The following IGSF22 variants were observed in gnomAD, a reference collection of about 807,000 sequenced individuals.
IGSF22 encodes immunoglobulin superfamily, member 22.
In IGSF22, 119 loss-of-function variants were observed where a neutral mutation model predicts 127.0. That is an observed-to-expected ratio of 0.94 (90% CI 0.81 to 1.09). IGSF22 has a LOEUF of 1.09. IGSF22 is among the 50% of genes least tolerant of loss of function. The pLI is 0.00. For synonymous variants in IGSF22, 568 were observed against 664.7 expected (o/e 0.85, Z 2.24); for missense variants, 1,518 against 1,716.6 (o/e 0.88, Z 2.04).
chr11:18,713,349 C>T (rs530499428), intron 14 of IGSF22, among the ~76,000 whole-genome samples: 1 of 152,038 alleles, frequency 6.6e-6, no homozygotes, highest in Non-Finnish European at 1.5e-5. Flanking sequence ...GACCGGGTTT[C>T]GCCATGTTGG....
intron 3 of IGSF22, 67 bp from the exon 4 acceptor site, chr11:18,721,738 C>T (rs1458223370): frequency 6.2e-7 from 1 of 1,603,346 alleles, no homozygotes; most frequent in Non-Finnish European, 8.5e-7. Context: ...CACCCTCTGC[C>T]GGCTCTCTGC....
At chr11:18,719,959 T>G in intron 6 of IGSF22, 66 bp from the exon 7 acceptor site, 1 of 1,610,078 alleles carries the variant, frequency 6.2e-7, no homozygotes, top group South Asian at 1.1e-5. Flanking sequence ...AACCCCTCCC[T>G]ACTCCATGGA....
Position 18,710,834 on chromosome 11 carries a change from G to A in IGSF22, c.2399-6C>T, listed in dbSNP as rs369116481. 13 of 1,610,450 alleles carry A rather than the reference G, an allele frequency of 8.1e-6. No homozygotes were observed. Among genetic ancestry groups the A allele is most frequent in the Non-Finnish European group, 1.0e-5 (12 of 1,176,844 alleles). ...GGAGGCAAAACCAGGAGGCTCTGTG[G>A]GGGAAAGAGAGAGTGCAAAGGTTAG... On this transcript the variant is annotated splice_polypyrimidine_tract_variant and splice_region_variant and intron_variant, in intron 15 of 22. Transcript: ENST00000513874.
In IGSF22 at chr11:18,707,884, C is replaced by A. The variant is rs148259264; in HGVS notation, c.3200G>T (p.Arg1067Leu). Residue 1067 changes from arginine (R) to leucine (L), a missense_variant, in exon 20 of 23, where the codon CGC becomes CTC. This residue lies in a region of IGSF22 where 1,456 missense variants were observed against 1,644.9 expected (regional missense o/e 0.89). Transcript: ENST00000513874. ...GATTCGGTACACCCCTGAGTCAGAG[C>A]GCTTGGTGCTATTAATGAGGAACTG... is the stretch of plus-strand genomic sequence containing the variant. ...HSQFLINSTK[R>L]SDSGVYRILL... The A allele has an allele frequency of 1.2e-6, 2 of 1,614,156 alleles. No individual in the cohort carries two copies. Among genetic ancestry groups the A allele is most frequent in the East Asian group, 2.2e-5 (1 of 44,888 alleles).
chr11:18,710,655 C>G lies in IGSF22; in HGVS notation c.2572G>C (p.Gly858Arg). 1.2e-6 allele frequency: 2 copies of G among 1,610,172 alleles called. No homozygotes were observed. Among genetic ancestry groups the G allele is most frequent in the East Asian group, 4.5e-5 (2 of 44,750 alleles). Residue 858 changes from glycine to arginine, a missense_variant and splice_region_variant, in exon 16 of 23, where the codon GGC (glycine) becomes CGC (arginine). Physicochemically the swap from Gly to Arg is moderately radical, Grantham distance 125 (BLOSUM62 -2). Coordinates refer to ENST00000513874, the MANE Select transcript of IGSF22 (RefSeq NM_173588.4). ...WVPVNKDPIQ[G>R]TKCTVDGLLE... ...TGGGCCTCTGTTCCAAGGACCTCAC[C>G]CTGGATGGGGTCCTTGTTGACTGGC... is the stretch of plus-strand genomic sequence containing the variant.
intron 17 of IGSF22, 115 bp downstream of exon 17, chr11:18,710,212 C>T (rs1848325021): frequency 1.5e-6 from 2 of 1,363,472 alleles, no homozygotes; most frequent in Non-Finnish European, 2.0e-6. Context: ...CTGGCAGTTT[C>T]CAGAGTGTAG....
chr11:18,710,479 G>T (rs375379479), intron 16 of IGSF22, 24 bp from the exon 17 acceptor site: 28 of 1,613,112 alleles, frequency 1.7e-5, no homozygotes, highest in Non-Finnish European at 2.2e-5. Flanking sequence ...ATGAGGGGTC[G>T]TGAGGCCAGA....
rs1848303545 is a variant in IGSF22, at chr11:18,709,203, C to T, written c.2998+184G>A. ...GACACACAGTAGATGCTATTTGGCA[C>T]ACAATGATTGATTTAGTAGGGGTGC... On this transcript the variant is annotated intron_variant, in intron 18 of 22. Transcript: ENST00000513874. This position sits in a 1 kb window ranked among gnomAD's most constrained non-coding sequence, Gnocchi z 4.8. Among the ~76,000 whole-genome samples the T allele has an allele frequency of 1.4e-5, 1 of 72,464 alleles. No homozygotes were observed. Among genetic ancestry groups the T allele is most frequent in the South Asian group, 3.3e-4 (1 of 3,000 alleles). 47.5% of individuals were successfully genotyped at this position (72,464 alleles called of 152,430 possible). A position where few individuals can be genotyped will look rare whatever the true frequency, so the allele number is the denominator to read the frequency against.
intron 22 of IGSF22, 182 bp downstream of exon 22, chr11:18,705,635 A>G (rs1487147245): frequency 4.9e-6 from 3 of 614,484 alleles, no homozygotes; most frequent in Admixed American, 3.0e-5. Context: ...GGCCAGGCAT[A>G]TAACAAATGA....
At position 18,704,550 on chromosome 11, in the gene IGSF22, A is replaced by C; in HGVS notation, c.3911-12T>G. The C allele has an allele frequency of 6.5e-7, 1 of 1,529,246 alleles. No homozygotes were observed. The highest frequency in any genetic ancestry group is 8.9e-7 in the Non-Finnish European group (1 of 1,128,346). The allele number at this position is 1,529,246 out of a possible 1,614,324, so 94.7% of individuals were successfully genotyped here. A position where few individuals can be genotyped will look rare whatever the true frequency, so the allele number is the denominator to read the frequency against. ...CTTATCATCTTTGTCTGAAAGAGCA[A>C]AGGAAGTATTCGTTATATTAATGAT... On this transcript the variant is annotated splice_polypyrimidine_tract_variant and intron_variant, in intron 22 of 22. Coordinates refer to ENST00000513874, the MANE Select transcript of IGSF22 (RefSeq NM_173588.4).
Position 18,721,894 on chromosome 11 carries a change from A to G in IGSF22, c.241+16T>C. 6.2e-7 allele frequency: 1 copy of G among 1,611,862 alleles called. No homozygotes were observed. The highest frequency in any genetic ancestry group is 1.1e-5 in the South Asian group (1 of 91,078). On this transcript the variant is annotated intron_variant, in intron 3 of 22. Transcript: ENST00000513874. Reference sequence around the variant, plus strand: ...GCGAAGCACTGGAGCCCGGTGAGCCACAGGCAGCAACACACCCTCGGGCGC... The same window carrying G: ...GCGAAGCACTGGAGCCCGGTGAGCCGCAGGCAGCAACACACCCTCGGGCGC...
chr11:18,708,618 A>G (rs2134158433), intron 18 of IGSF22, among the ~76,000 whole-genome samples: 1 of 152,276 alleles, frequency 6.6e-6, no homozygotes, highest in Non-Finnish European at 1.5e-5. Flanking sequence ...ACCAACCCCC[A>G]TCTTGCCTTT....
chr11:18,720,813 CGT>C (rs1848557771), intron 4 of IGSF22, among the ~76,000 whole-genome samples: 1 of 151,992 alleles, frequency 6.6e-6, no homozygotes, highest in African/African-American at 2.4e-5. Context: ...TGGGGCAGCT[CGT>C]GTGTGCTGTG....
intron 9 of IGSF22, among the ~76,000 whole-genome samples, chr11:18,717,262 C>T (rs758942485): frequency 8.5e-5 from 13 of 152,216 alleles, no homozygotes; most frequent in Non-Finnish European, 1.6e-4. Context: ...CCTAGCCATA[C>T]TAATTCATCC....
At chr11:18,724,036 C>G in intron 2 of IGSF22, 92 bp downstream of exon 2, 1 of 940,780 alleles carries the variant, frequency 1.1e-6, no homozygotes, top group Non-Finnish European at 1.7e-6. Flanking sequence ...CAGAGGGGCC[C>G]ATTAGTGGCA....
At chr11:18,719,437 G>C (rs1848526918) in intron 7 of IGSF22, among the ~76,000 whole-genome samples, 1 of 152,174 alleles carries the variant, frequency 6.6e-6, no homozygotes, top group Non-Finnish European at 1.5e-5. Flanking sequence ...AGAGTGCTGG[G>C]ATTACAGGCG....
In IGSF22 at chr11:18,720,253, G is replaced by C. The variant is rs1848546651; in HGVS notation, c.411C>G (p.Asn137Lys). The change falls in exon 5 of 23, where the codon AAC becomes AAG. Residue 137 changes from asparagine (N) to lysine (K), a missense_variant. This residue lies in a region of IGSF22 where 1,456 missense variants were observed against 1,644.9 expected (regional missense o/e 0.89). Transcript: ENST00000513874. ...LEPLTSDDSD[N>K]YKCIASNDHA... ...GGTCATTGCTTGCAATGCACTTATA[G>C]TTGTCAGAGTCATCCGAAGTCAGTG... 6.2e-7 allele frequency: 1 copy of C among 1,614,160 alleles called. No homozygotes were observed. Among genetic ancestry groups the C allele is most frequent in the Non-Finnish European group, 8.5e-7 (1 of 1,180,022 alleles).
Position 18,714,099 on chromosome 11 carries a change from G to A in IGSF22, c.1848C>T (p.Ala616=), listed in dbSNP as rs1268682814. Residue 616 remains alanine (A), a synonymous_variant, in exon 14 of 23, where the codon GCC becomes GCT. Transcript: ENST00000513874. ...PSVLEALAAH[A]ITVKVGHTAH... ...CCGTGTGGCCTACCTTCACAGTGAT[G>A]GCGTGCGCAGCCAGTGCCTCCAGTA... 6.2e-7 allele frequency: 1 copy of A among 1,614,138 alleles called. No individual in the cohort carries two copies. The highest frequency in any genetic ancestry group is 8.5e-7 in the Non-Finnish European group (1 of 1,180,050).
chr11:18,721,772 G>T, intron 3 of IGSF22, 101 bp from the exon 4 acceptor site: 1 of 1,589,816 alleles, frequency 6.3e-7, no homozygotes, highest in Non-Finnish European at 8.6e-7. Flanking sequence ...CCTGGGCCTG[G>T]CCCCGGGCAG....
Sources: gnomAD v4.1 joint callset for allele counts (sites outside exome capture counted in the v4.1 genomes callset) on GRCh38, gnomAD v4.1.1 for gene constraint, gnomAD v4.1.1 regional missense constraint, Gnocchi (gnomAD v3.1) non-coding constraint, MANE v1.5 for transcripts, NCBI Gene and HGNC (gene_info 2026-07-23, HGNC 2026-07-21) for gene names.